The following DKK2 variants were observed in gnomAD, a reference collection of about 807,000 sequenced individuals.
The protein encoded by DKK2 is dickkopf Wnt signaling pathway inhibitor 2.
DKK2 carries 11 observed loss-of-function variants against 28.1 expected under a neutral mutation model. The observed-to-expected ratio is 0.39, with a 90% CI of 0.25 to 0.65. The LOEUF (loss-of-function observed/expected upper bound fraction) is 0.65, where lower values mean the gene tolerates loss of function less well. DKK2 is among the 30% of genes least tolerant of loss of function. The probability of loss-of-function intolerance (pLI) is 0.47; values close to 1 mark genes in which losing one functional copy is unlikely to be tolerated. For missense variants in DKK2, 326 were observed against 335.5 expected (o/e 0.97, Z 0.22); for synonymous variants, 135 against 126.5 (o/e 1.07, Z -0.45).
rs746258433 is a variant in DKK2 at position 107,035,638 on chromosome 4, G to A, written c.-47C>T. On this transcript the variant is annotated 5_prime_UTR_variant, in exon 1 of 4. Coordinates refer to ENST00000285311, the MANE Select transcript of DKK2 (RefSeq NM_014421.3). ...GGAAGACGCAAAGCCCGGAGGGGTG[G>A]GAATGCAAAGGGAGGGAGGACCCCA... The A allele has an allele frequency of 1.3e-6, 2 of 1,599,554 alleles. No homozygotes were observed. The highest frequency in any genetic ancestry group is 1.1e-5 in the South Asian group (1 of 90,688).
chr4:106,991,446 T>G (rs747047592), intron 1 of DKK2, among the ~76,000 whole-genome samples: 1 of 152,174 alleles, frequency 6.6e-6, no homozygotes, highest in Non-Finnish European at 1.5e-5. Context: ...GAGGTGATTC[T>G]TCCTAAGATA....
intron 1 of DKK2, among the ~76,000 whole-genome samples, chr4:107,000,316 C>A (rs537111508): frequency 1.3e-5 from 2 of 152,124 alleles, no homozygotes; most frequent in Non-Finnish European, 2.9e-5. Flanking sequence ...AATTCATCAA[C>A]AATATGGCAC....
chr4:106,945,299 G>A (rs1430090117), intron 1 of DKK2, among the ~76,000 whole-genome samples: 4 of 152,070 alleles, frequency 2.6e-5, no homozygotes, highest in African/African-American at 9.7e-5. Context: ...TTCTTATATA[G>A]AAATGTTAAT....
chr4:107,026,513 A>AC (rs1723782253), intron 1 of DKK2, among the ~76,000 whole-genome samples: 2 of 152,294 alleles, frequency 1.3e-5, no homozygotes, highest in South Asian at 4.1e-4. Context: ...TCTATCACAG[A>AC]GAAAAAAATG....
chr4:106,961,230 T>A (rs1722680206), intron 1 of DKK2, among the ~76,000 whole-genome samples: 1 of 152,110 alleles, frequency 6.6e-6, no homozygotes, highest in Non-Finnish European at 1.5e-5. Flanking sequence ...AATCAAAAGT[T>A]AAGAAAATGT....
intron 1 of DKK2, among the ~76,000 whole-genome samples, chr4:106,979,235 A>G (rs1453882206): frequency 6.6e-6 from 1 of 151,996 alleles, no homozygotes; most frequent in Non-Finnish European, 1.5e-5. Context: ...ATATTCATAT[A>G]TTTTCACCCA....
chr4:106,957,603 A>G (rs1335187604), intron 1 of DKK2, among the ~76,000 whole-genome samples: 15 of 151,594 alleles, frequency 9.9e-5, no homozygotes, highest in African/African-American at 3.2e-4. Flanking sequence ...GTCCTTTGTA[A>G]GGACATGGAT....
At chr4:106,924,750 GA>G in intron 2 of DKK2, 50 bp from the exon 3 acceptor site, 1 of 1,553,432 alleles carries the variant, frequency 6.4e-7, no homozygotes, top group Non-Finnish European at 8.8e-7. Flanking sequence ...TATGAAATGT[GA>G]TACTTATCCA....
chr4:107,031,946 A>C (rs984280748), intron 1 of DKK2, among the ~76,000 whole-genome samples: 3 of 151,952 alleles, frequency 2.0e-5, no homozygotes, highest in African/African-American at 7.2e-5. Context: ...TATTCACATG[A>C]TATTGAAGAT....
chr4:106,981,984 A>G (rs577453021), intron 1 of DKK2, among the ~76,000 whole-genome samples: 1 of 152,246 alleles, frequency 6.6e-6, no homozygotes, highest in Non-Finnish European at 1.5e-5. Context: ...CTCAATAAAT[A>G]TTGGGTGAAT....
At chr4:106,933,972 G>A (rs1650172920) in intron 1 of DKK2, among the ~76,000 whole-genome samples, 3 of 150,942 alleles carry the variant, frequency 2.0e-5, no homozygotes, top group Admixed American at 2.0e-4. Flanking sequence ...GTGTGTGTGT[G>A]TGTGTGTGTG....
rs35733676 is a variant in DKK2, at chr4:106,982,871, CA to C, written c.222+52498del. ...TGGGCAACATAGCAAGACTCCATCT[CA>C]AAAAAAAAAAAAATCAATGGAGAAA... On this transcript the variant is annotated intron_variant, in intron 1 of 3. Transcript: ENST00000285311. Among the ~76,000 whole-genome samples the C allele has an allele frequency of 3.8e-3, 378 of 100,758 alleles. 1 individual carries two copies. The highest frequency in any genetic ancestry group is 5.0e-3 in the African/African-American group (130 of 25,838). 66.1% of individuals were successfully genotyped at this position (100,758 alleles called of 152,430 possible). A position where few individuals can be genotyped will look rare whatever the true frequency, so the allele number is the denominator to read the frequency against.
At chr4:107,012,942 T>C (rs1723536760) in intron 1 of DKK2, among the ~76,000 whole-genome samples, 1 of 150,636 alleles carries the variant, frequency 6.6e-6, no homozygotes, top group Non-Finnish European at 1.5e-5. Context: ...ATATTTTAAG[T>C]ATATTTTATA....
chr4:107,015,791 C>T (rs919695748), intron 1 of DKK2, among the ~76,000 whole-genome samples: 1 of 151,690 alleles, frequency 6.6e-6, no homozygotes, highest in African/African-American at 2.4e-5. Flanking sequence ...TCCTTTTCAT[C>T]TCTCTTAATA....
At chr4:106,983,433 A>G (rs1723064755) in intron 1 of DKK2, among the ~76,000 whole-genome samples, 1 of 152,096 alleles carries the variant, frequency 6.6e-6, no homozygotes, top group Admixed American at 6.5e-5. Flanking sequence ...TATCTTACAC[A>G]AGAATTAACT....
At chr4:106,997,775 G>A (rs530957986) in intron 1 of DKK2, among the ~76,000 whole-genome samples, 91 of 152,332 alleles carry the variant, frequency 6.0e-4, no homozygotes, top group Middle Eastern at 3.4e-3. Flanking sequence ...GCATGCATGT[G>A]TAATCAGTTA....
At chr4:107,020,725 A>C (rs1166817092) in intron 1 of DKK2, among the ~76,000 whole-genome samples, 1 of 152,090 alleles carries the variant, frequency 6.6e-6, no homozygotes, top group Non-Finnish European at 1.5e-5. Context: ...GTGGAATCTA[A>C]AACAATTGAA....
rs112813759 is a variant in DKK2 at position 106,974,807 on chromosome 4, C to A, written c.223-48858G>T. Among the ~76,000 whole-genome samples, 290 of 152,284 alleles carry A rather than the reference C, an allele frequency of 1.9e-3. 2 individuals are homozygous for A. The highest frequency in any genetic ancestry group is 6.7e-3 in the African/African-American group (277 of 41,572). On this transcript the variant is annotated intron_variant, in intron 1 of 3. Coordinates refer to ENST00000285311, the MANE Select transcript of DKK2 (RefSeq NM_014421.3). The stretch of plus-strand genomic sequence containing the variant: ...ACTAGGAGTGGTGAGAGAAGGCATC[C>A]TTTTCTTGTGCCGGTTTTCAAAGGG...
chr4:106,971,514 T>C (rs1042267320), intron 1 of DKK2, among the ~76,000 whole-genome samples: 2 of 152,086 alleles, frequency 1.3e-5, no homozygotes, highest in African/African-American at 2.4e-5. Flanking sequence ...CTACCTATAA[T>C]GTAGGCCAGA....
Sources: allele counts gnomAD v4.1 joint callset (sites outside exome capture counted in the v4.1 genomes callset), GRCh38; gene constraint gnomAD v4.1.1; transcripts MANE v1.5; gene names NCBI Gene and HGNC (gene_info 2026-07-23, HGNC 2026-07-21).